The following PHF21A variants were observed in gnomAD, a reference collection of about 807,000 sequenced individuals.
PHF21A encodes the protein BHC80a.
PHF21A carries 11 observed loss-of-function variants against 82.5 expected under a neutral mutation model. The observed-to-expected ratio is 0.13, with a 90% confidence interval of 0.08 to 0.22. The LOEUF (loss-of-function observed/expected upper bound fraction) is 0.22. Among genes scored for constraint, PHF21A ranks in the 10% least tolerant of loss-of-function variants. PHF21A has a pLI of 1.00. For synonymous variants in PHF21A, 297 were observed against 302.8 expected, an observed-to-expected ratio of 0.98 and a Z score of 0.20; for missense variants, 579 against 837.8, an observed-to-expected ratio of 0.69 and a Z score of 3.81.
chr11:46,033,322 T>C (rs2095907137), intron 6 of PHF21A, among the ~76,000 whole-genome samples: 1 of 152,188 alleles, frequency 6.6e-6, no homozygotes, highest in Admixed American at 6.5e-5. Context: ...TGGAGTGCAG[T>C]GGTGCAATCA....
intron 7 of PHF21A, among the ~76,000 whole-genome samples, chr11:45,976,364 T>C (rs1006824732): frequency 4.6e-5 from 7 of 152,142 alleles, no homozygotes; most frequent in South Asian, 2.1e-4. Context: ...TTCTTGAAAA[T>C]AGAAACTCTC....
At chr11:45,987,554 G>A (rs368938087) in intron 6 of PHF21A, among the ~76,000 whole-genome samples, 7 of 150,808 alleles carry the variant, frequency 4.6e-5, no homozygotes, top group East Asian at 2.0e-4. Flanking sequence ...CCAGCTACTC[G>A]GGAGGCTGAG....
intron 6 of PHF21A, among the ~76,000 whole-genome samples, chr11:46,041,721 A>G (rs542770648): frequency 6.6e-6 from 1 of 152,218 alleles, no homozygotes; most frequent in South Asian, 2.1e-4. Flanking sequence ...AACATACATA[A>G]AAGTTCATAG....
At chr11:45,964,888 A>G (rs2093339654) in intron 10 of PHF21A, among the ~76,000 whole-genome samples, 1 of 152,240 alleles carries the variant, frequency 6.6e-6, no homozygotes, top group Non-Finnish European at 1.5e-5. Flanking sequence ...CAATCAAAGA[A>G]AAGTCTTTGA....
At chr11:45,939,234 G>A (rs1051347392) in intron 15 of PHF21A, among the ~76,000 whole-genome samples, 1 of 152,128 alleles carries the variant, frequency 6.6e-6, no homozygotes, top group African/African-American at 2.4e-5. Flanking sequence ...TTTTGGTAGA[G>A]GACAACCTAC....
At chr11:45,971,853 A>G (rs2093762733) in intron 7 of PHF21A, among the ~76,000 whole-genome samples, 1 of 129,386 alleles carries the variant, frequency 7.7e-6, no homozygotes, top group South Asian at 2.5e-4. Context: ...TTCCTGAGAC[A>G]CAAAGGCTGG....
At chr11:45,995,156 GT>G (rs2094860711) in intron 6 of PHF21A, among the ~76,000 whole-genome samples, 1 of 152,246 alleles carries the variant, frequency 6.6e-6, no homozygotes, top group African/African-American at 2.4e-5. Flanking sequence ...TAAGGCAAGT[GT>G]GATAGGCTTG....
Position 45,964,981 on chromosome 11 carries a change from T to G in PHF21A, c.996+334A>C, listed in dbSNP as rs552757996. ...ATCTGGATTCTTATTGGGCCGAAACTAACATGGCGTTTTCTGTTTACTACC... is the reference window on the plus strand; with the variant it reads ...ATCTGGATTCTTATTGGGCCGAAACGAACATGGCGTTTTCTGTTTACTACC... On this transcript the variant is annotated intron_variant, in intron 10 of 18. Coordinates refer to ENST00000676320, the MANE Select transcript of PHF21A (RefSeq NM_001352027.3). Among the ~76,000 whole-genome samples the G allele has an allele frequency of 1.1e-4, 16 of 152,320 alleles. No individual in the cohort carries two copies. In the South Asian group the frequency reaches 2.9e-3, roughly 28 times the overall value.
intron 6 of PHF21A, among the ~76,000 whole-genome samples, chr11:45,986,230 T>A (rs569396624): frequency 1.3e-5 from 2 of 152,114 alleles, no homozygotes; most frequent in African/African-American, 2.4e-5. Flanking sequence ...TTTTATTTGC[T>A]AGCCTGATTG....
At chr11:46,087,950 T>C (rs1593046981) in intron 3 of PHF21A, among the ~76,000 whole-genome samples, 1 of 151,998 alleles carries the variant, frequency 6.6e-6, no homozygotes, top group Admixed American at 6.6e-5. Context: ...AGTGACAGGG[T>C]TTCGCCATGT....
rs367864982 is a variant in PHF21A at position 45,955,248 on chromosome 11, A to G, written c.997-1623T>C. On this transcript the variant is annotated intron_variant, in intron 10 of 18. Coordinates refer to ENST00000676320, the MANE Select transcript of PHF21A (RefSeq NM_001352027.3). ...ATTGGGCTTCTGGGTGAAGAGTATG[A>G]TCTAAGCGAGAATCACTCAAGTCTT... 1.1e-3 allele frequency among the ~76,000 whole-genome samples: 161 copies of G among 151,638 alleles called. 5 individuals are homozygous for G. In the South Asian group the frequency reaches 0.033, roughly 31 times the overall value.
chr11:45,993,883 C>A (rs541207010), intron 6 of PHF21A, among the ~76,000 whole-genome samples: 1 of 152,070 alleles, frequency 6.6e-6, no homozygotes, highest in South Asian at 2.1e-4. Context: ...ACCGACAGTG[C>A]CTATCTGAGA....
intron 7 of PHF21A, among the ~76,000 whole-genome samples, chr11:45,975,088 C>A (rs920892542): frequency 1.3e-5 from 2 of 151,930 alleles, no homozygotes; most frequent in Non-Finnish European, 2.9e-5. Context: ...CTAAGGTGGG[C>A]GGATCACTTA....
chr11:46,116,386 A>G (rs1018675777), intron 1 of PHF21A, among the ~76,000 whole-genome samples: 1 of 152,216 alleles, frequency 6.6e-6, no homozygotes, highest in Non-Finnish European at 1.5e-5. Context: ...GAGTCAGTCA[A>G]AACATTCAAA....
intron 6 of PHF21A, among the ~76,000 whole-genome samples, chr11:46,008,707 AATAAT>A (rs758998545): frequency 3.3e-5 from 5 of 152,216 alleles, no homozygotes; most frequent in Admixed American, 1.3e-4. Context: ...AAAGGAAAAT[AATAAT>A]ATATGTTTTA....
intron 9 of PHF21A, among the ~76,000 whole-genome samples, chr11:45,968,483 C>G (rs988815142): frequency 3.3e-5 from 5 of 152,188 alleles, no homozygotes; most frequent in African/African-American, 9.7e-5. Context: ...CATTTCTCCA[C>G]CCTGGAACTA....
chr11:46,052,807 AC>A (rs1269439199), intron 6 of PHF21A, among the ~76,000 whole-genome samples: 9 of 152,148 alleles, frequency 5.9e-5, no homozygotes, highest in Admixed American at 5.9e-4. Context: ...AGCCTTTTCC[AC>A]CTTCTTGGAC....
chr11:46,096,798 T>A (rs1295743525), intron 1 of PHF21A, among the ~76,000 whole-genome samples: 1 of 152,132 alleles, frequency 6.6e-6, no homozygotes, highest in African/African-American at 2.4e-5. Flanking sequence ...GCACATATCC[T>A]TCCCCTGAAT....
intron 10 of PHF21A, among the ~76,000 whole-genome samples, chr11:45,965,072 G>A (rs2093352110): frequency 1.3e-5 from 2 of 152,178 alleles, no homozygotes; most frequent in South Asian, 2.1e-4. Context: ...GAACCACCAG[G>A]GGGAGCTCAC....
Sources: gnomAD v4.1 joint callset for allele counts (sites outside exome capture counted in the v4.1 genomes callset) on GRCh38, gnomAD v4.1.1 for gene constraint, MANE v1.5 for transcripts, NCBI Gene and HGNC (gene_info 2026-07-23, HGNC 2026-07-21) for gene names.